The following RALGAPA1 variants were observed in gnomAD, a reference collection of about 807,000 sequenced individuals.
RALGAPA1 encodes the protein ral GTPase-activating protein subunit alpha-1.
In RALGAPA1, 52 loss-of-function variants were observed where a neutral mutation model predicts 269.6. That is an observed-to-expected ratio of 0.19 (90% CI 0.15 to 0.24). The LOEUF (loss-of-function observed/expected upper bound fraction) is 0.24, where lower values mean the gene tolerates loss of function less well. Ranked by LOEUF, RALGAPA1 falls within the 10% of genes least tolerant of loss-of-function variation. The pLI is 1.00. For synonymous variants in RALGAPA1, 817 were observed against 1,008.3 expected (o/e 0.81, Z 3.60); for missense variants, 1,917 against 3,013.9 (o/e 0.64, Z 8.52).
chr14:35,569,668 G>A (rs1281874274), intron 39 of RALGAPA1, among the ~76,000 whole-genome samples: 1 of 152,056 alleles, frequency 6.6e-6, no homozygotes, highest in Non-Finnish European at 1.5e-5. Flanking sequence ...CTGCTTGGAA[G>A]GCTCTTTGGC....
At chr14:35,612,684 G>T (rs1022169870) in intron 35 of RALGAPA1, among the ~76,000 whole-genome samples, 1 of 151,626 alleles carries the variant, frequency 6.6e-6, no homozygotes, top group Non-Finnish European at 1.5e-5. Flanking sequence ...GACTACAGGC[G>T]CCCGCCACCA....
intron 27 of RALGAPA1, among the ~76,000 whole-genome samples, chr14:35,663,418 T>C (rs2063684660): frequency 6.6e-6 from 1 of 151,572 alleles, no homozygotes; most frequent in Non-Finnish European, 1.5e-5. Flanking sequence ...AAAGCAAGTT[T>C]TAAAAAAAAC....
At chr14:35,629,093 C>T (rs558507008) in intron 33 of RALGAPA1, among the ~76,000 whole-genome samples, 10 of 152,128 alleles carry the variant, frequency 6.6e-5, no homozygotes, top group Non-Finnish European at 1.0e-4. Context: ...AGTTAAAGAC[C>T]GCCATTCTAA....
intron 16 of RALGAPA1, among the ~76,000 whole-genome samples, chr14:35,711,848 T>C (rs2068372871): frequency 6.6e-6 from 1 of 152,176 alleles, no homozygotes; most frequent in African/African-American, 2.4e-5. Context: ...AATTCCTCCT[T>C]CTCATCCCTT....
intron 20 of RALGAPA1, 44 bp downstream of exon 20, chr14:35,684,885 A>G: frequency 2.6e-6 from 4 of 1,563,880 alleles, no homozygotes; most frequent in Non-Finnish European, 3.5e-6. Flanking sequence ...TGAACAGAAG[A>G]CAATCAACAT....
intron 10 of RALGAPA1, among the ~76,000 whole-genome samples, chr14:35,745,422 G>GACACAC (rs71445957): frequency 0.13 from 18,664 of 146,668 alleles, 1,196 homozygotes; most frequent in Middle Eastern, 0.15. Flanking sequence ...CACACAGACA[G>GACACAC]ACACACACAC....
At chr14:35,629,282 GGTGT>G (rs33989714) in intron 33 of RALGAPA1, among the ~76,000 whole-genome samples, 2,160 of 145,136 alleles carry the variant, frequency 0.015, 29 homozygotes, top group African/African-American at 0.03. Flanking sequence ...ATGTTTAGGG[GGTGT>G]GTGTGTGTGT....
At chr14:35,557,111 T>TGA (rs2055692984) in intron 39 of RALGAPA1, among the ~76,000 whole-genome samples, 1 of 149,400 alleles carries the variant, frequency 6.7e-6, no homozygotes, top group Admixed American at 6.7e-5. Context: ...TGTGTGTGTG[T>TGA]GTGTGTGTGT....
At chr14:35,745,763 CAAAAAAAAAAAAA>C (rs1157650791) in intron 10 of RALGAPA1, among the ~76,000 whole-genome samples, 1 of 33,138 alleles carries the variant, frequency 3.0e-5, no homozygotes, top group African/African-American at 1.1e-4. Context: ...GACTCCATCT[CAAAAAAAAAAAAA>C]AAAAAAAAAA....
At chr14:35,692,472 G>A (rs1267550349) in intron 17 of RALGAPA1, among the ~76,000 whole-genome samples, 3 of 148,692 alleles carry the variant, frequency 2.0e-5, no homozygotes, top group Admixed American at 6.7e-5. Context: ...ATTAGAAAAC[G>A]TAACCATTAT....
chr14:35,678,510 G>C (rs2065148610), intron 21 of RALGAPA1, among the ~76,000 whole-genome samples: 1 of 152,160 alleles, frequency 6.6e-6, no homozygotes. Context: ...TTGGTTTACA[G>C]TGGTTCCCAG....
intron 1 of RALGAPA1, among the ~76,000 whole-genome samples, chr14:35,792,368 G>A (rs1234692366): frequency 1.3e-5 from 2 of 152,006 alleles, no homozygotes; most frequent in African/African-American, 4.8e-5. Flanking sequence ...TGTTGGCCAG[G>A]CTGGTCTCGA....
At chr14:35,610,174 C>T (rs2059839698) in intron 35 of RALGAPA1, among the ~76,000 whole-genome samples, 1 of 151,328 alleles carries the variant, frequency 6.6e-6, no homozygotes, top group Non-Finnish European at 1.5e-5. Flanking sequence ...AGGGACACCA[C>T]TATATATTTT....
chr14:35,654,233 A>G, intron 30 of RALGAPA1, 134 bp downstream of exon 30: 1 of 909,066 alleles, frequency 1.1e-6, no homozygotes, highest in South Asian at 2.5e-5. Context: ...TTGATACCAC[A>G]AAAAAGCATG....
rs545905948 is a variant in RALGAPA1, at chr14:35,652,720, A to G, written c.5608-847T>C. ...GTGCCCAGCCAAATGTGGCTTTTTAAATTAACATATATTATACACTGAATA... is the reference window on the plus strand; with the variant it reads ...GTGCCCAGCCAAATGTGGCTTTTTAGATTAACATATATTATACACTGAATA... On this transcript the variant is annotated intron_variant, in intron 30 of 41. Coordinates refer to ENST00000680220, the MANE Select transcript of RALGAPA1 (RefSeq NM_001346249.2). Among the ~76,000 whole-genome samples, 16 of 152,284 alleles carry G rather than the reference A, an allele frequency of 1.1e-4. No homozygotes were observed. The East Asian group carries it at 2.5e-3, about 24-fold the overall frequency.
At chr14:35,649,732 C>G (rs1409514099) in intron 31 of RALGAPA1, among the ~76,000 whole-genome samples, 1 of 152,026 alleles carries the variant, frequency 6.6e-6, no homozygotes, top group Non-Finnish European at 1.5e-5. Flanking sequence ...TCTATTCTAC[C>G]TTGTATCTCA....
At chr14:35,541,028 C>T (rs903408066) in intron 41 of RALGAPA1, among the ~76,000 whole-genome samples, 1 of 127,280 alleles carries the variant, frequency 7.9e-6, no homozygotes, top group Non-Finnish European at 1.6e-5. Flanking sequence ...TATGTCTTTG[C>T]AGAACACTTC....
chr14:35,567,324 C>T (rs2056794032), intron 39 of RALGAPA1, among the ~76,000 whole-genome samples: 1 of 152,030 alleles, frequency 6.6e-6, no homozygotes, highest in African/African-American at 2.4e-5. Context: ...TTAGGCAATT[C>T]CTTGGTGTTG....
At chr14:35,808,270 C>T (rs1261030421) in intron 1 of RALGAPA1, among the ~76,000 whole-genome samples, 1 of 152,168 alleles carries the variant, frequency 6.6e-6, no homozygotes, top group Non-Finnish European at 1.5e-5. Context: ...TTGGGAACCG[C>T]CCACTTCCCA....
Sources: gnomAD v4.1 joint callset for allele counts (sites outside exome capture counted in the v4.1 genomes callset) on GRCh38, gnomAD v4.1.1 for gene constraint, MANE v1.5 for transcripts, NCBI Gene and HGNC (gene_info 2026-07-23, HGNC 2026-07-21) for gene names.